The following TOPBP1 variants were observed in gnomAD, a reference collection of about 807,000 sequenced individuals.
TOPBP1 encodes the protein DNA topoisomerase II binding protein 1, also known as DNA topoisomerase 2-binding protein 1.
A neutral mutation model predicts 167.7 loss-of-function variants in TOPBP1; 28 were observed. That is an observed-to-expected ratio of 0.17 (90% CI 0.12 to 0.23). The LOEUF is 0.23. Ranked by LOEUF, TOPBP1 falls within the 10% of genes least tolerant of loss-of-function variation. The pLI is 1.00. For synonymous variants in TOPBP1, 598 were observed against 611.4 expected, an observed-to-expected ratio of 0.98 and a Z score of 0.32; for missense variants, 1,554 against 1,809.6, an observed-to-expected ratio of 0.86 and a Z score of 2.56.
intron 12 of TOPBP1, 109 bp downstream of exon 12, chr3:133,643,091 T>C: frequency 9.3e-6 from 10 of 1,075,128 alleles, no homozygotes; most frequent in Non-Finnish European, 1.2e-5. Context: ...ATAACACTCA[T>C]AAATATAATA....
At position 133,623,061 on chromosome 3, in the gene TOPBP1, T is replaced by A. The variant is rs769682638; in HGVS notation, c.3178+30A>T. The A allele has an allele frequency of 8.8e-5, 123 of 1,393,734 alleles. 1 individual carries two copies. The highest frequency in any genetic ancestry group is 5.4e-4 in the Admixed American group (20 of 36,900). The allele number at this position is 1,393,734 out of a possible 1,614,324, so 86.3% of individuals were successfully genotyped here. ...AATTGAGACCTTGTCTCAAAAAAAA[T>A]TTTTTTAATTAAAAAATAAAATATT... On this transcript the variant is annotated intron_variant, in intron 19 of 27. Coordinates refer to ENST00000260810, the MANE Select transcript of TOPBP1 (RefSeq NM_007027.4).
chr3:133,643,130 T>C, intron 12 of TOPBP1, 70 bp downstream of exon 12: 1 of 1,384,400 alleles, frequency 7.2e-7, no homozygotes, highest in South Asian at 1.9e-5. Context: ...CTAATTTGAA[T>C]GCTCTCCAAG....
intron 27 of TOPBP1, among the ~76,000 whole-genome samples, chr3:133,602,088 C>A (rs1934324552): frequency 1.3e-5 from 2 of 152,134 alleles, no homozygotes; most frequent in African/African-American, 4.8e-5. Flanking sequence ...AGCAAAGGAA[C>A]AATAGAACCT....
intron 27 of TOPBP1, among the ~76,000 whole-genome samples, chr3:133,603,990 C>T (rs949173021): frequency 1.3e-5 from 2 of 151,374 alleles, no homozygotes; most frequent in Admixed American, 1.3e-4. Flanking sequence ...TCTGTGATTA[C>T]AATGGAATTC....
chr3:133,642,499 T>G (rs1476089863), intron 12 of TOPBP1, among the ~76,000 whole-genome samples: 1 of 152,224 alleles, frequency 6.6e-6, no homozygotes, highest in African/African-American at 2.4e-5. Context: ...ATTATATCAC[T>G]GTAGTATAGT....
At chr3:133,626,837 G>A (rs1377221728) in intron 16 of TOPBP1, among the ~76,000 whole-genome samples, 1 of 152,084 alleles carries the variant, frequency 6.6e-6, no homozygotes, top group Non-Finnish European at 1.5e-5. Context: ...TATAAAAGTA[G>A]GTAGGTTATA....
intron 19 of TOPBP1, among the ~76,000 whole-genome samples, chr3:133,621,144 T>C (rs1344125368): frequency 1.3e-5 from 2 of 152,162 alleles, no homozygotes; most frequent in South Asian, 4.1e-4. Flanking sequence ...CCTGAGTAGC[T>C]GGCACTACAG....
In TOPBP1 at chr3:133,617,245, T is replaced by A. The variant is rs1444257586; in HGVS notation, c.3674A>T (p.Asp1225Val). The change falls in exon 22 of 28, where the codon GAC becomes GTC. Residue 1225 changes from aspartate (D) to valine (V), a missense_variant. Physicochemically the swap from Asp to Val is radical, Grantham distance 152. This residue lies in a region of TOPBP1 where 351 missense variants were observed against 432.9 expected (regional missense o/e 0.81). Transcript: ENST00000260810. ...ISEELETPIK[D>V]SHLIPTPQAP... ...TTGAGGCGTAGGGATCAGGTGGCTGTCTTTTATGGGAGTTTCCAGTTCTTC... is the reference window on the plus strand; with the variant it reads ...TTGAGGCGTAGGGATCAGGTGGCTGACTTTTATGGGAGTTTCCAGTTCTTC... 6.2e-7 allele frequency: 1 copy of A among 1,613,770 alleles called. No individual in the cohort carries two copies. Among genetic ancestry groups the A allele is most frequent in the African/African-American group, 1.3e-5 (1 of 74,918 alleles).
chr3:133,654,572 A>C (rs1384140294), intron 6 of TOPBP1, among the ~76,000 whole-genome samples: 3 of 152,202 alleles, frequency 2.0e-5, no homozygotes, highest in Non-Finnish European at 4.4e-5. Context: ...ATTTCTTCTC[A>C]ATCTAGATAG....
At chr3:133,634,416 G>A (rs1935595776) in intron 14 of TOPBP1, among the ~76,000 whole-genome samples, 1 of 152,188 alleles carries the variant, frequency 6.6e-6, no homozygotes, top group African/African-American at 2.4e-5. Context: ...GGCTGAGGCA[G>A]GAGAATCGCT....
intron 12 of TOPBP1, among the ~76,000 whole-genome samples, chr3:133,642,581 G>T (rs1415840674): frequency 6.6e-6 from 1 of 152,120 alleles, no homozygotes; most frequent in Non-Finnish European, 1.5e-5. Flanking sequence ...TCAGATTGAG[G>T]TTTGATTATT....
At chr3:133,640,274 T>C in intron 12 of TOPBP1, 104 bp from the exon 13 acceptor site, 1 of 920,164 alleles carries the variant, frequency 1.1e-6, no homozygotes. Context: ...CATGTAAGTA[T>C]AAAAAAAAAT....
Position 133,656,668 on chromosome 3 carries a change from T to G in TOPBP1, c.545+8A>C. ...CAAATCTAGAAAATATAAAAATGTCTTTCTTACTTCTCTTGTGACTTCTCC... is the reference window on the plus strand; with the variant it reads ...CAAATCTAGAAAATATAAAAATGTCGTTCTTACTTCTCTTGTGACTTCTCC... On this transcript the variant is annotated splice_region_variant and intron_variant, in intron 5 of 27. Coordinates refer to ENST00000260810, the MANE Select transcript of TOPBP1 (RefSeq NM_007027.4). 6.3e-7 allele frequency: 1 copy of G among 1,581,268 alleles called. No homozygotes were observed. Among genetic ancestry groups the G allele is most frequent in the South Asian group, 1.2e-5 (1 of 85,338 alleles).
Position 133,608,888 on chromosome 3 carries a change from C to A in TOPBP1, c.4248G>T (p.Gln1416His). Residue 1416 changes from glutamine (Q) to histidine (H), a missense_variant, in exon 26 of 28, where the codon CAG becomes CAT. Transcript: ENST00000260810. Reference sequence around the variant, plus strand: ...TGATACAAACCTTTGCTCCTCCTGACTGAAGAAGGCGTTTGAAGCCTGCTT... The same window carrying A: ...TGATACAAACCTTTGCTCCTCCTGAATGAAGAAGGCGTTTGAAGCCTGCTT... ...SREAGFKRLL[Q>H]SGGAKVLPGH... 3.7e-6 allele frequency: 6 copies of A among 1,612,534 alleles called. No homozygotes were observed. Among genetic ancestry groups the A allele is most frequent in the Non-Finnish European group, 5.1e-6 (6 of 1,179,468 alleles).
rs746989514 is a variant in TOPBP1, at chr3:133,616,847, G to A, written c.3838C>T (p.Arg1280Cys). 1.9e-6 allele frequency: 3 copies of A among 1,553,498 alleles called. No individual in the cohort carries two copies. The highest frequency in any genetic ancestry group is 1.2e-5 in the South Asian group (1 of 81,572). ...TCAATCAGATGACAATAGTCAATAC[G>A]TTCTTGAGGATTCAGAGATGATAAC... The part of the protein sequence containing the change: ...FQLSSLNPQE[R>C]IDYCHLIEKL... Residue 1280 changes from arginine (R) to cysteine (C), a missense_variant, in exon 23 of 28, where the codon CGT (arginine) becomes TGT (cysteine). Transcript: ENST00000260810.
At chr3:133,659,261 A>G (rs1936595779) in intron 2 of TOPBP1, 111 bp from the exon 3 acceptor site, 1 of 1,137,148 alleles carries the variant, frequency 8.8e-7, no homozygotes, top group Non-Finnish European at 1.2e-6. Flanking sequence ...CCACCATCAC[A>G]TCTCACTTAG....
At chr3:133,641,442 T>C (rs1559825215) in intron 12 of TOPBP1, among the ~76,000 whole-genome samples, 2 of 152,212 alleles carry the variant, frequency 1.3e-5, no homozygotes, top group Non-Finnish European at 2.9e-5. Flanking sequence ...TGTGACTCAC[T>C]GCAGCCTTGA....
Position 133,643,190 on chromosome 3 carries a change from T to C in TOPBP1, c.2021+10A>G, listed in dbSNP as rs754152757. On this transcript the variant is annotated intron_variant, in intron 12 of 27. Coordinates refer to ENST00000260810, the MANE Select transcript of TOPBP1 (RefSeq NM_007027.4). The stretch of plus-strand genomic sequence containing the variant: ...ACCAATACAACAGGTGCATTAAAAA[T>C]ATTACATACCTTGCTCCAAGGAGGT... The C allele has an allele frequency of 1.3e-5, 20 of 1,563,414 alleles. No individual in the cohort carries two copies. Among genetic ancestry groups the C allele is most frequent in the Non-Finnish European group, 1.6e-5 (19 of 1,161,916 alleles).
intron 8 of TOPBP1, among the ~76,000 whole-genome samples, chr3:133,650,279 T>G (rs537874826): frequency 6.7e-6 from 1 of 150,030 alleles, no homozygotes; most frequent in East Asian, 2.0e-4. Context: ...CTGTGAAGCT[T>G]ACTTGTAAAT....
Sources: allele counts gnomAD v4.1 joint callset (sites outside exome capture counted in the v4.1 genomes callset), GRCh38; gene constraint gnomAD v4.1.1; regional missense constraint gnomAD v4.1.1; transcripts MANE v1.5; gene names NCBI Gene and HGNC (gene_info 2026-07-23, HGNC 2026-07-21).